Variants in CBARP observed in about 807,000 individuals in gnomAD.
CBARP encodes the protein voltage-dependent calcium channel beta subunit-associated regulatory protein.
CBARP carries 24 observed loss-of-function variants against 36.3 expected under a neutral mutation model. The observed-to-expected ratio is 0.66, with a 90% CI of 0.48 to 0.93. CBARP has a LOEUF of 0.93. Ranked by LOEUF, CBARP falls within the 40% of genes least tolerant of loss-of-function variation. CBARP has a pLI of 0.00. For synonymous variants in CBARP, 586 were observed against 453.2 expected (o/e 1.29, Z -3.72); for missense variants, 1,146 against 980.4 (o/e 1.17, Z -2.26).
intron 4 of CBARP, 23 bp from the exon 5 acceptor site, chr19:1,235,168 GTGGGCCCCGGGCGGGCCACGCCAGGCGCC>G: frequency 1.3e-6 from 2 of 1,536,118 alleles, no homozygotes; most frequent in Non-Finnish European, 1.8e-6. Context: ...GCAGGAGAGG[GTGGGCCCCGGGCGGGCCACGCCAGGCGCC>G]TGGTCCCGGG....
rs994875450 is a variant in CBARP at position 1,229,377 on chromosome 19, G to T, written c.1920C>A (p.Ile640=). 1.1e-5 allele frequency: 13 copies of T among 1,150,974 alleles called. No homozygotes were observed. The highest frequency in any genetic ancestry group is 1.7e-5 in the African/African-American group (1 of 59,316). 71.3% of individuals were successfully genotyped at this position (1,150,974 alleles called of 1,614,324 possible). Residue 640 remains isoleucine, a synonymous_variant, in exon 10 of 10, where the codon ATC becomes ATA. Transcript: ENST00000650044. The surrounding 1 kb of genome is among the most constrained non-coding windows in gnomAD (Gnocchi z 5.1). ...CGCCCGGCTCCTCCTCGATGACGGG[G>T]ATGGCGGGGTCGTCGCCGGCGCCGC... ...TLGGAGDDPA[I]PVIEEEPGGG...
Position 1,229,732 on chromosome 19 carries a change from G to A in CBARP, c.1565C>T (p.Ala522Val). ...GCGCGGGCTGCGGGGCCGGGCGGGC[G>A]CGGCAGGTGGCTCGGTGTCGTCGCC... ...GAGDDTEPPA[A>V]PARPRSPRAW... is the part of the protein sequence containing the mutation. The change falls in exon 10 of 10, where the codon GCG (alanine) becomes GTG (valine). Residue 522 changes from alanine (A) to valine (V), a missense_variant. By Grantham distance (64) the Ala-to-Val change is moderately conservative. Transcript: ENST00000650044. The surrounding 1 kb of genome is among the most constrained non-coding windows in gnomAD (Gnocchi z 5.1). The A allele has an allele frequency of 1.0e-6, 1 of 985,588 alleles. No individual in the cohort carries two copies. Among genetic ancestry groups the A allele is most frequent in the South Asian group, 4.2e-5 (1 of 24,064 alleles). The allele number at this position is 985,588 out of a possible 1,614,324, so 61.1% of individuals were successfully genotyped here.
At chr19:1,231,601 GC>G (rs36106304) in intron 8 of CBARP, among the ~76,000 whole-genome samples, 6 of 87,722 alleles carry the variant, frequency 6.8e-5, no homozygotes, top group Admixed American at 4.6e-4. Context: ...CCATGCCTGT[GC>G]CCCCCCCACA....
rs567906178 is a variant in CBARP at position 1,233,317 on chromosome 19, C to T, written c.979+109G>A. 238 of 1,144,656 alleles carry T rather than the reference C, an allele frequency of 2.1e-4. 1 individual carries two copies. In the East Asian group the frequency reaches 3.8e-3, roughly 18 times the overall value. 70.9% of individuals were successfully genotyped at this position (1,144,656 alleles called of 1,614,324 possible). A position where few individuals can be genotyped will look rare whatever the true frequency, so the allele number is the denominator to read the frequency against. On this transcript the variant is annotated intron_variant, in intron 8 of 9. Transcript: ENST00000650044. ...TGGGCAGGACTCAGCCCCAGAGCAC[C>T]GGCTCCCCACCCAGCCCACAACCTC...
chr19:1,233,323 C>T, intron 8 of CBARP, 103 bp downstream of exon 8: 1 of 1,203,250 alleles, frequency 8.3e-7, no homozygotes, highest in East Asian at 2.6e-5. Context: ...GCACCGGCTC[C>T]CCACCCAGCC....
chr19:1,234,152 C>T (rs375352813), intron 7 of CBARP, 39 bp downstream of exon 7: 410 of 1,456,198 alleles, frequency 2.8e-4, no homozygotes, highest in Non-Finnish European at 3.4e-4. Context: ...GGAGCCTCCC[C>T]GGCTGTGGAC....
chr19:1,231,420 C>G, intron 8 of CBARP, 145 bp from the exon 9 acceptor site: 1 of 1,254,362 alleles, frequency 8.0e-7, no homozygotes, highest in Non-Finnish European at 1.1e-6. Context: ...CCCCACCACA[C>G]ACACACAACG....
At chr19:1,230,271 G>T in intron 9 of CBARP, 129 bp from the exon 10 acceptor site, 1 of 992,096 alleles carries the variant, frequency 1.0e-6, no homozygotes, top group Non-Finnish European at 1.2e-6. Flanking sequence ...CTTGGAAGGT[G>T]AGAGCTTTAA....
intron 4 of CBARP, 63 bp downstream of exon 4, chr19:1,235,438 G>A: frequency 6.8e-7 from 1 of 1,480,478 alleles, no homozygotes. Flanking sequence ...GCCCGAGGGG[G>A]CGGCGGGTGG....
intron 1 of CBARP, among the ~76,000 whole-genome samples, chr19:1,236,536 G>T (rs897354268): frequency 6.6e-6 from 1 of 152,024 alleles, no homozygotes; most frequent in Non-Finnish European, 1.5e-5. Flanking sequence ...CATCACGGGG[G>T]TGGGGGGCTA....
rs1056712523 is a variant in CBARP at position 1,232,338 on chromosome 19, C to T, written c.980-1063G>A. Among the ~76,000 whole-genome samples the T allele has an allele frequency of 4.6e-5, 7 of 152,118 alleles. No individual in the cohort carries two copies. In the South Asian group the frequency reaches 1.2e-3, roughly 27 times the overall value. On this transcript the variant is annotated intron_variant, in intron 8 of 9. Transcript: ENST00000650044. Reference sequence around the variant, plus strand: ...GGGCTGGGAGAACTCACCCCACCCCCGCTGGCTGGAGCCACAACACAGGGT... The same window carrying T: ...GGGCTGGGAGAACTCACCCCACCCCTGCTGGCTGGAGCCACAACACAGGGT...
intron 3 of CBARP, 23 bp downstream of exon 3, chr19:1,235,756 C>T (rs779309994): frequency 6.2e-5 from 99 of 1,606,176 alleles, no homozygotes; most frequent in Non-Finnish European, 8.0e-5. Context: ...TGCACCTGCC[C>T]AGCCGAGGTG....
chr19:1,230,125 G>T lies in CBARP; in HGVS notation c.1172C>A (p.Ala391Glu), dbSNP rs2145445522. 2 of 1,043,098 alleles carry T rather than the reference G, an allele frequency of 1.9e-6. No individual in the cohort carries two copies. Among genetic ancestry groups the T allele is most frequent in the East Asian group, 2.2e-4 (2 of 9,188 alleles). The allele number at this position is 1,043,098 out of a possible 1,614,324, so 64.6% of individuals were successfully genotyped here. A position where few individuals can be genotyped will look rare whatever the true frequency, so the allele number is the denominator to read the frequency against. The part of the protein sequence containing the change: ...PALGRLEAAE[A>E]AGGASPDSPP... ...GGAATCGGGGCTCGCTCCTCCCGCT[G>T]CCTCGGCCGCCTCTAGCCTGCAAGC... is the stretch of plus-strand genomic sequence containing the variant. The change falls in exon 10 of 10, where the codon GCA (alanine) becomes GAA (glutamate). Residue 391 changes from alanine to glutamate, a missense_variant. Physicochemically the swap from Ala to Glu is moderately radical, Grantham distance 107 (BLOSUM62 -1). Transcript: ENST00000650044.
intron 8 of CBARP, among the ~76,000 whole-genome samples, chr19:1,233,128 C>T (rs989714470): frequency 1.3e-5 from 2 of 152,216 alleles, no homozygotes; most frequent in African/African-American, 4.8e-5. Flanking sequence ...CGACACCCTC[C>T]TTTACCACCT....
Position 1,236,078 on chromosome 19 carries a change from G to T in CBARP, c.23C>A (p.Ala8Asp). MQPTATM[A>D]TAATTTTTTT... ...GGTGGTGGTGGTGGTGGCGGCTGTG[G>T]CCATGGTGGCTGTGGGCTGCATTCT... Residue 8 changes from alanine (A) to aspartate (D), a missense_variant, in exon 2 of 10, where the codon GCC (alanine) becomes GAC (aspartate). Physicochemically the swap from Ala to Asp is moderately radical, Grantham distance 126 (BLOSUM62 -2). Coordinates refer to ENST00000650044, the MANE Select transcript of CBARP (RefSeq NM_001393918.1). 2 of 1,497,448 alleles carry T rather than the reference G, an allele frequency of 1.3e-6. No individual in the cohort carries two copies. The highest frequency in any genetic ancestry group is 8.9e-7 in the Non-Finnish European group (1 of 1,127,642). 92.8% of individuals were successfully genotyped at this position (1,497,448 alleles called of 1,614,324 possible). A position where few individuals can be genotyped will look rare whatever the true frequency, so the allele number is the denominator to read the frequency against.
chr19:1,235,865 C>T lies in CBARP; in HGVS notation c.159G>A (p.Ser53=), dbSNP rs1011277048. Residue 53 remains serine, a synonymous_variant, in exon 3 of 10, where the codon TCG becomes TCA. Coordinates refer to ENST00000650044, the MANE Select transcript of CBARP (RefSeq NM_001393918.1). ...CCACCAGCGTGCCCCCCACGAACAG[C>T]GACATCACCACCACCAGCAGCACGT... ...DNYVLLVVVM[S]LFVGGTLVVL... is the part of the protein sequence containing the mutation. 6.8e-6 allele frequency: 11 copies of T among 1,612,088 alleles called. No homozygotes were observed. The East Asian group carries it at 1.1e-4, about 16-fold the overall frequency.
At chr19:1,230,199 C>T (rs990405418) in intron 9 of CBARP, 57 bp from the exon 10 acceptor site, 13 of 994,842 alleles carry the variant, frequency 1.3e-5, no homozygotes, top group East Asian at 1.1e-4. Flanking sequence ...CCTACCCGGC[C>T]GGCCATCCCG....
In CBARP at chr19:1,229,667, C is replaced by T; in HGVS notation, c.1630G>A (p.Glu544Lys). 1.8e-6 allele frequency: 2 copies of T among 1,138,552 alleles called. No individual in the cohort carries two copies. Among genetic ancestry groups the T allele is most frequent in the East Asian group, 1.0e-4 (1 of 9,816 alleles). 70.5% of individuals were successfully genotyped at this position (1,138,552 alleles called of 1,614,324 possible). A position where few individuals can be genotyped will look rare whatever the true frequency, so the allele number is the denominator to read the frequency against. ...RRPRRDYSID[E>K]KTDALFHEFL... is the part of the protein sequence containing the mutation. ...TCGTGGAACAGCGCGTCCGTCTTCT[C>T]GTCGATGCTGTAGTCGCGGCGCGGG... is the stretch of plus-strand genomic sequence containing the variant. The change falls in exon 10 of 10, where the codon GAG becomes AAG. Residue 544 changes from glutamate to lysine, a missense_variant. Transcript: ENST00000650044. The surrounding 1 kb of genome is among the most constrained non-coding windows in gnomAD (Gnocchi z 5.1).
chr19:1,235,430 C>T, intron 4 of CBARP, 71 bp downstream of exon 4: 1 of 1,456,496 alleles, frequency 6.9e-7, no homozygotes, highest in Non-Finnish European at 9.2e-7. Context: ...GTCAGGCAGC[C>T]CGAGGGGGCG....
Sources: gnomAD v4.1 joint callset for allele counts (sites outside exome capture counted in the v4.1 genomes callset) on GRCh38, gnomAD v4.1.1 for gene constraint, Gnocchi (gnomAD v3.1) non-coding constraint, MANE v1.5 for transcripts, NCBI Gene and HGNC (gene_info 2026-07-23, HGNC 2026-07-21) for gene names.